CIP2A: variants seen among roughly 807,000 people sequenced by gnomAD.
The protein encoded by CIP2A is protein CIP2A.
Under a neutral mutation model 110.9 loss-of-function variants are expected in CIP2A, and 103 were observed. The observed-to-expected ratio is 0.93, with a 90% CI of 0.79 to 1.09. The LOEUF (loss-of-function observed/expected upper bound fraction) is 1.09. CIP2A is among the 50% of genes least tolerant of loss of function. CIP2A has a pLI of 0.00. For synonymous variants in CIP2A, 381 were observed against 361.6 expected (o/e 1.05, Z -0.61); for missense variants, 1,088 against 1,038.4 (o/e 1.05, Z -0.66).
chr3:108,555,746 A>G (rs773588479), intron 17 of CIP2A, among the ~76,000 whole-genome samples: 4 of 152,244 alleles, frequency 2.6e-5, no homozygotes, highest in Non-Finnish European at 5.9e-5. Flanking sequence ...GGGTCTACCC[A>G]TGACCTGTAA....
At chr3:108,564,049 T>C (rs2107326973) in intron 12 of CIP2A, among the ~76,000 whole-genome samples, 1 of 152,136 alleles carries the variant, frequency 6.6e-6, no homozygotes, top group South Asian at 2.1e-4. Context: ...TACATTGAGA[T>C]ATTAGTGAAG....
chr3:108,583,023 G>T lies in CIP2A; in HGVS notation c.311C>A (p.Ala104Glu), dbSNP rs778520234. 7 of 1,609,428 alleles carry T rather than the reference G, an allele frequency of 4.3e-6. No homozygotes were observed. Among genetic ancestry groups the T allele is most frequent in the Non-Finnish European group, 5.9e-6 (7 of 1,177,846 alleles). The change falls in exon 3 of 21, where the codon GCG becomes GAG. Residue 104 changes from alanine to glutamate, a missense_variant. Coordinates refer to ENST00000295746, the MANE Select transcript of CIP2A (RefSeq NM_020890.3). ...QNTYNLNSVL[A>E]GVVCRSSHTD... ...GTGGCTGCTCCGACAAACCACTCCC[G>T]CCAGCACACTATTCAGATTATATGT...
chr3:108,570,705 G>A (rs1436026076), intron 8 of CIP2A, among the ~76,000 whole-genome samples: 29 of 152,122 alleles, frequency 1.9e-4, no homozygotes. Flanking sequence ...TGCTCTGGGT[G>A]AGTTAATGAC....
At chr3:108,574,211 A>G (rs1938490453) in intron 8 of CIP2A, among the ~76,000 whole-genome samples, 1 of 152,170 alleles carries the variant, frequency 6.6e-6, no homozygotes, top group African/African-American at 2.4e-5. Context: ...AGACATAAAC[A>G]GACACGTCAA....
intron 13 of CIP2A, among the ~76,000 whole-genome samples, chr3:108,561,164 T>C (rs963790973): frequency 5.3e-5 from 8 of 152,140 alleles, no homozygotes; most frequent in Non-Finnish European, 1.0e-4. Flanking sequence ...TCATGGGTGA[T>C]ATCACCTGGC....
At chr3:108,557,529 T>G in intron 16 of CIP2A, 115 bp from the exon 17 acceptor site, 3 of 701,216 alleles carry the variant, frequency 4.3e-6, no homozygotes, top group Non-Finnish European at 6.6e-6. Context: ...TGTTGGGTCA[T>G]GCAAAGCTGT....
intron 7 of CIP2A, among the ~76,000 whole-genome samples, chr3:108,576,777 A>C (rs953490195): frequency 3.9e-5 from 6 of 152,200 alleles, no homozygotes; most frequent in Non-Finnish European, 8.8e-5. Flanking sequence ...TCTGCAAATA[A>C]AGAAGTAAGG....
rs746125465 is a variant in CIP2A, at chr3:108,566,588, T to C, written c.1324A>G (p.Thr442Ala). Reference sequence around the variant, plus strand: ...TCTATAAGAGTGGTACACTTGACAGTTGTCAAGATTTTTGCAATATGCATT... The same window carrying C: ...TCTATAAGAGTGGTACACTTGACAGCTGTCAAGATTTTTGCAATATGCATT... ...LKMHIAKILT[T>A]VKCTTLIEQQ... is the part of the protein sequence containing the mutation. The change falls in exon 11 of 21, where the codon ACT becomes GCT. Residue 442 changes from threonine (T) to alanine (A), a missense_variant. Transcript: ENST00000295746. 2.5e-6 allele frequency: 4 copies of C among 1,605,384 alleles called. No homozygotes were observed. The highest frequency in any genetic ancestry group is 2.2e-5 in the East Asian group (1 of 44,520).
At chr3:108,554,619 G>C in intron 17 of CIP2A, 130 bp from the exon 18 acceptor site, 1 of 536,176 alleles carries the variant, frequency 1.9e-6, no homozygotes, top group Non-Finnish European at 3.3e-6. Flanking sequence ...GGAATGTTAT[G>C]AACAAGCAGG....
At position 108,551,280 on chromosome 3, in the gene CIP2A, G is replaced by A. The variant is rs771105116; in HGVS notation, c.2587C>T (p.Arg863Cys). 73 of 1,611,752 alleles carry A rather than the reference G, an allele frequency of 4.5e-5. No homozygotes were observed. The highest frequency in any genetic ancestry group is 6.7e-5 in the African/African-American group (5 of 74,798). Residue 863 changes from arginine (R) to cysteine (C), a missense_variant, in exon 21 of 21, where the codon CGT (arginine) becomes TGT (cysteine). By Grantham distance (180) the Arg-to-Cys change is radical. Transcript: ENST00000295746. ...LEVQKAQLEG[R>C]LEEKESLVKL... ...ACCAAGGACTCTTTCTCTTCCAAACGACCTTCTAATTGTGCCTTTTGAACC... is the reference window on the plus strand; with the variant it reads ...ACCAAGGACTCTTTCTCTTCCAAACAACCTTCTAATTGTGCCTTTTGAACC...
rs372870545 is a variant in CIP2A, at chr3:108,589,426, G to T, written c.-51C>A. On this transcript the variant is annotated 5_prime_UTR_variant, in exon 1 of 21. Transcript: ENST00000295746. ...GACCACCACCGCCCAGCGTGCGCCGGCCTTTAGCTTTCGCCGCGCTTTTTT... is the reference window on the plus strand; with the variant it reads ...GACCACCACCGCCCAGCGTGCGCCGTCCTTTAGCTTTCGCCGCGCTTTTTT... The T allele has an allele frequency of 5.6e-5, 76 of 1,355,582 alleles. No individual in the cohort carries two copies. Among genetic ancestry groups the T allele is most frequent in the Admixed American group, 4.7e-4 (24 of 50,814 alleles). 84.0% of individuals were successfully genotyped at this position (1,355,582 alleles called of 1,614,324 possible).
At chr3:108,568,108 A>G in intron 10 of CIP2A, 47 bp downstream of exon 10, 1 of 1,452,380 alleles carries the variant, frequency 6.9e-7, no homozygotes, top group Non-Finnish European at 9.4e-7. Context: ...TAGAAAAAAA[A>G]GAATGGTTAG....
chr3:108,554,820 T>A (rs1259235149), intron 17 of CIP2A, among the ~76,000 whole-genome samples: 1 of 152,226 alleles, frequency 6.6e-6, no homozygotes, highest in East Asian at 1.9e-4. Context: ...TACATTTGTC[T>A]CTTTAAAACT....
chr3:108,581,631 C>CAA (rs556559445), intron 4 of CIP2A, 120 bp from the exon 5 acceptor site: 308 of 464,026 alleles, frequency 6.6e-4, no homozygotes, highest in South Asian at 1.3e-3. Context: ...CTTTTACACG[C>CAA]AAAAAAAAAA....
rs956703284 is a variant in CIP2A at position 108,550,859 on chromosome 3, G to A, written c.*290C>T. The A allele has an allele frequency of 1.1e-5, 2 of 176,656 alleles. No homozygotes were observed. Among genetic ancestry groups the A allele is most frequent in the Non-Finnish European group, 2.4e-5 (2 of 84,760 alleles). The allele number at this position is 176,656 out of a possible 1,614,324, so 10.9% of individuals were successfully genotyped here. On this transcript the variant is annotated 3_prime_UTR_variant, in exon 21 of 21. Transcript: ENST00000295746. The stretch of plus-strand genomic sequence containing the variant: ...CAGAATAGAAAGCAACTAAGAAAAA[G>A]GAAAGAACCTTAGAAAAATGATAAT...
At chr3:108,575,305 T>TACACACACGTGTACGTAC (rs1553695526) in intron 8 of CIP2A, among the ~76,000 whole-genome samples, 2 of 146,692 alleles carry the variant, frequency 1.4e-5, no homozygotes, top group East Asian at 3.9e-4. Context: ...CACGTGTACG[T>TACACACACGTGTACGTAC]ACACACACGT....
chr3:108,563,549 T>C (rs1336441856), intron 12 of CIP2A, among the ~76,000 whole-genome samples: 1 of 152,020 alleles, frequency 6.6e-6, no homozygotes, highest in Admixed American at 6.6e-5. Context: ...CACAACTGAC[T>C]GATGTGTAGA....
At chr3:108,556,167 T>C (rs1039795643) in intron 17 of CIP2A, among the ~76,000 whole-genome samples, 2 of 152,168 alleles carry the variant, frequency 1.3e-5, no homozygotes, top group African/African-American at 4.8e-5. Flanking sequence ...AAAATCACTT[T>C]GTCATCATTT....
chr3:108,573,406 C>T (rs74788215), intron 8 of CIP2A, among the ~76,000 whole-genome samples: 3,950 of 151,774 alleles, frequency 0.026, 73 homozygotes, highest in Non-Finnish European at 0.041. Flanking sequence ...TCTATCATAA[C>T]GCGAATTATT....
Sources: allele counts gnomAD v4.1 joint callset (sites outside exome capture counted in the v4.1 genomes callset), GRCh38; gene constraint gnomAD v4.1.1; transcripts MANE v1.5; gene names NCBI Gene and HGNC (gene_info 2026-07-23, HGNC 2026-07-21).